Variants in FRMD4A observed in about 807,000 individuals in gnomAD.
FRMD4A encodes the protein FERM domain containing 4A.
Under a neutral mutation model 129.1 loss-of-function variants are expected in FRMD4A, and 29 were observed. The observed-to-expected ratio is 0.22, with a 90% CI of 0.17 to 0.31. The LOEUF is 0.31. Among genes scored for constraint, FRMD4A ranks in the 10% least tolerant of loss-of-function variants. FRMD4A has a pLI of 1.00. For missense variants in FRMD4A, 1,272 were observed against 1,375.8 expected (o/e 0.92, Z 1.19); for synonymous variants, 634 against 571.6 (o/e 1.11, Z -1.56).
At chr10:13,701,315 C>A in intron 14 of FRMD4A, 25 bp downstream of exon 14, 1 of 1,603,308 alleles carries the variant, frequency 6.2e-7, no homozygotes, top group South Asian at 1.1e-5. Context: ...ATGGCCCGGG[C>A]TTGGTGAGAG....
intron 3 of FRMD4A, among the ~76,000 whole-genome samples, chr10:13,817,474 A>G (rs1281556229): frequency 6.6e-6 from 1 of 152,202 alleles, no homozygotes; most frequent in Non-Finnish European, 1.5e-5. Flanking sequence ...AGGCACACTG[A>G]TATGGTTTGG....
intron 2 of FRMD4A, among the ~76,000 whole-genome samples, chr10:14,071,402 A>G (rs1030274493): frequency 6.6e-6 from 1 of 152,214 alleles, no homozygotes; most frequent in African/African-American, 2.4e-5. Flanking sequence ...TAGCTGAAAG[A>G]TAAACCGTAT....
chr10:13,983,085 C>A (rs2095567973), intron 2 of FRMD4A, among the ~76,000 whole-genome samples: 1 of 152,190 alleles, frequency 6.6e-6, no homozygotes, highest in Non-Finnish European at 1.5e-5. Context: ...CTCGGCCTCC[C>A]AACTAGCTGG....
chr10:13,647,766 A>G (rs2081234330), intron 24 of FRMD4A: 1 of 146,594 alleles, frequency 6.8e-6, no homozygotes, highest in Non-Finnish European at 1.5e-5. Context: ...TTAGGGAGGT[A>G]TCACCATTTA....
At chr10:14,168,489 C>T (rs1841307906) in intron 2 of FRMD4A, among the ~76,000 whole-genome samples, 1 of 152,198 alleles carries the variant, frequency 6.6e-6, no homozygotes, top group African/African-American at 2.4e-5. Flanking sequence ...ATCTGTTTCG[C>T]TCTGACCTCT....
intron 2 of FRMD4A, among the ~76,000 whole-genome samples, chr10:13,883,218 G>A (rs960867064): frequency 1.3e-5 from 2 of 152,018 alleles, no homozygotes; most frequent in Non-Finnish European, 2.9e-5. Context: ...TGCCAGGTGC[G>A]TTGGCTCACG....
intron 19 of FRMD4A, among the ~76,000 whole-genome samples, chr10:13,662,991 G>A (rs554801532): frequency 4.0e-4 from 61 of 151,636 alleles, no homozygotes; most frequent in Non-Finnish European, 7.7e-4. Flanking sequence ...TGGGTGGGTC[G>A]CTTGAACCCA....
intron 2 of FRMD4A, among the ~76,000 whole-genome samples, chr10:14,299,431 C>T (rs1846113766): frequency 6.6e-6 from 1 of 152,110 alleles, no homozygotes; most frequent in African/African-American, 2.4e-5. Context: ...GGAGGGGTAC[C>T]TGCTATAGCC....
chr10:13,656,746 GTGTGCGACAGGCGGCTGTGCTCCT>G lies in FRMD4A; in HGVS notation c.2819_2842del (p.Lys940_His947del). ...GCCGCTGTCCGAGGAGGTGGAGCTG[GTGTGCGACAGGCGGCTGTGCTCCT>G]TGTGCGAGGCGGTGGAACGCTGGTA... On this transcript the variant is annotated inframe_deletion, in exon 22 of 25. Coordinates refer to ENST00000357447, the MANE Select transcript of FRMD4A (RefSeq NM_018027.5). The G allele has an allele frequency of 6.3e-7, 1 of 1,598,492 alleles. No individual in the cohort carries two copies.
At chr10:13,933,378 C>T (rs550506259) in intron 2 of FRMD4A, among the ~76,000 whole-genome samples, 7 of 152,276 alleles carry the variant, frequency 4.6e-5, no homozygotes, top group South Asian at 2.1e-4. Context: ...AATTCTGTAA[C>T]GAGGCCCTTG....
intron 15 of FRMD4A, chr10:13,684,366 G>C: frequency 1.0e-6 from 1 of 985,128 alleles, no homozygotes; most frequent in South Asian, 4.7e-5. Context: ...AATCTTTGGA[G>C]TGAACTTCCC....
intron 2 of FRMD4A, among the ~76,000 whole-genome samples, chr10:14,079,463 T>C (rs948029469): frequency 1.3e-5 from 2 of 152,352 alleles, no homozygotes; most frequent in East Asian, 1.9e-4. Context: ...CGAAGTGTTT[T>C]CTAATATTTT....
intron 2 of FRMD4A, among the ~76,000 whole-genome samples, chr10:14,316,523 AAAAG>A (rs1029165565): frequency 1.4e-5 from 2 of 145,772 alleles, no homozygotes; most frequent in African/African-American, 5.0e-5. Flanking sequence ...AAAAAAAAAA[AAAAG>A]AAGAAGAAGA....
chr10:14,312,644 A>G (rs1016335171), intron 2 of FRMD4A, among the ~76,000 whole-genome samples: 2 of 152,202 alleles, frequency 1.3e-5, no homozygotes, highest in Admixed American at 6.5e-5. Flanking sequence ...AGTCATTCAT[A>G]CAATATAATA....
At chr10:13,713,112 G>T (rs927248685) in intron 12 of FRMD4A, among the ~76,000 whole-genome samples, 4 of 152,164 alleles carry the variant, frequency 2.6e-5, no homozygotes, top group Admixed American at 2.6e-4. Flanking sequence ...GTCTTCCCCC[G>T]CTGCCCCTGA....
At chr10:14,210,423 C>T (rs978408895) in intron 2 of FRMD4A, among the ~76,000 whole-genome samples, 4 of 152,156 alleles carry the variant, frequency 2.6e-5, no homozygotes, top group African/African-American at 9.7e-5. Flanking sequence ...GTTACAGCAG[C>T]CCAAACAGAC....
chr10:13,961,054 C>T (rs758385281), intron 2 of FRMD4A, among the ~76,000 whole-genome samples: 11 of 152,176 alleles, frequency 7.2e-5, no homozygotes, highest in Admixed American at 1.3e-4. Context: ...TAATTGATGA[C>T]CCCTATAATA....
chr10:13,764,536 C>A (rs771208195), intron 6 of FRMD4A, among the ~76,000 whole-genome samples: 1 of 141,036 alleles, frequency 7.1e-6, no homozygotes, highest in Non-Finnish European at 1.6e-5. Context: ...CAAACAAAAC[C>A]TAACAACAAC....
At chr10:13,998,508 G>A (rs981769165) in intron 2 of FRMD4A, among the ~76,000 whole-genome samples, 1 of 152,156 alleles carries the variant, frequency 6.6e-6, no homozygotes, top group Non-Finnish European at 1.5e-5. Context: ...ATCTCCATTT[G>A]AATTTTTACT....
Sources: allele counts gnomAD v4.1 joint callset (sites outside exome capture counted in the v4.1 genomes callset), GRCh38; gene constraint gnomAD v4.1.1; transcripts MANE v1.5; gene names NCBI Gene and HGNC (gene_info 2026-07-23, HGNC 2026-07-21).